SLC2A9: variants seen among roughly 807,000 people sequenced by gnomAD.
SLC2A9 encodes the protein solute carrier family 2, facilitated glucose transporter member 9.
SLC2A9 carries 39 observed loss-of-function variants against 50.6 expected under a neutral mutation model. That is an observed-to-expected ratio of 0.77 (90% confidence interval 0.60 to 1.01). The LOEUF is 1.01. SLC2A9 is among the 50% of genes least tolerant of loss of function. SLC2A9 has a pLI of 0.00. For missense variants in SLC2A9, 686 were observed against 677.6 expected (o/e 1.01, Z -0.14); for synonymous variants, 324 against 276.9 (o/e 1.17, Z -1.69).
chr4:9,983,060 G>A (rs1461820850), intron 4 of SLC2A9, among the ~76,000 whole-genome samples: 5 of 152,112 alleles, frequency 3.3e-5, no homozygotes, highest in Non-Finnish European at 7.4e-5. Flanking sequence ...TAGAGACAGG[G>A]TTTCTCCATG....
intron 3 of SLC2A9, among the ~76,000 whole-genome samples, chr4:9,792,159 G>GTTTTTT (rs1228816556): frequency 2.9e-4 from 27 of 94,634 alleles, no homozygotes; most frequent in African/African-American, 8.8e-4. Flanking sequence ...TCTATTCTAT[G>GTTTTTT]TTTCTTTTTT....
In SLC2A9 at chr4:9,978,097, G is replaced by A. The variant is rs74668588; in HGVS notation, c.681+2495C>T. 9.4e-3 allele frequency among the ~76,000 whole-genome samples: 1,436 copies of A among 152,322 alleles called. 27 individuals are homozygous for A. Among genetic ancestry groups the A allele is most frequent in the African/African-American group, 0.033 (1,385 of 41,562 alleles). ...ATTTGCCAGCGATGTTTTCCCAGAG[G>A]AAGTCAAGCTTGAGTGGGGCTTGGG... On this transcript the variant is annotated intron_variant, in intron 5 of 11. Transcript: ENST00000264784.
intron 8 of SLC2A9, among the ~76,000 whole-genome samples, chr4:9,895,792 A>G (rs1243551533): frequency 2.6e-5 from 4 of 152,202 alleles, no homozygotes; most frequent in Admixed American, 1.3e-4. Flanking sequence ...TACAATTAGG[A>G]TATTGAACAT....
chr4:9,887,672 G>A (rs1229186001), intron 9 of SLC2A9, 30 bp from the exon 10 acceptor site: 42 of 1,465,168 alleles, frequency 2.9e-5, no homozygotes, highest in South Asian at 1.4e-4. Flanking sequence ...GGTCAGGTGA[G>A]GAGGTGATGG....
chr4:9,778,715 C>A (rs751381310), downstream of SLC2A9, among the ~76,000 whole-genome samples: 2 of 152,196 alleles, frequency 1.3e-5, no homozygotes, highest in Non-Finnish European at 2.9e-5. Flanking sequence ...TTTGGAGCAC[C>A]GCCCAGGTCA....
chr4:10,017,199 C>T (rs1018302368), intron 2 of SLC2A9, among the ~76,000 whole-genome samples: 8 of 152,164 alleles, frequency 5.3e-5, no homozygotes, highest in Admixed American at 4.6e-4. Context: ...GGGATTCCTC[C>T]GTCCTCATGT....
intron 5 of SLC2A9, 89 bp from the exon 6 acceptor site, chr4:9,942,134 C>A: frequency 2.0e-6 from 3 of 1,519,102 alleles, no homozygotes; most frequent in Non-Finnish European, 2.7e-6. Context: ...TTCGACCCTG[C>A]AGAAGGTCTT....
chr4:10,018,662 G>C (rs1337701348), intron 2 of SLC2A9, among the ~76,000 whole-genome samples: 1 of 152,136 alleles, frequency 6.6e-6, no homozygotes, highest in East Asian at 1.9e-4. Context: ...TTCTTTCCCC[G>C]GCATTAGGGG....
intron 5 of SLC2A9, 108 bp downstream of exon 5, chr4:9,980,484 A>G: frequency 6.8e-7 from 1 of 1,475,738 alleles, no homozygotes; most frequent in African/African-American, 1.4e-5. Context: ...AGAGGCTTGA[A>G]TACCAGAAAT....
chr4:9,802,451 GATATGAT>G, intron 3 of SLC2A9, among the ~76,000 whole-genome samples: 1 of 151,946 alleles, frequency 6.6e-6, no homozygotes, highest in Non-Finnish European at 1.5e-5. Context: ...CTCTGTGGCC[GATATGAT>G]ATGGAGGAAG....
intron 5 of SLC2A9, among the ~76,000 whole-genome samples, chr4:9,954,151 C>T (rs1192912649): frequency 3.3e-5 from 5 of 152,068 alleles, no homozygotes; most frequent in Admixed American, 1.3e-4. Flanking sequence ...TTGCCCAGGC[C>T]GGTCTCAAAC....
chr4:9,815,483 T>A (rs1723451202), intron 3 of SLC2A9, among the ~76,000 whole-genome samples: 1 of 152,242 alleles, frequency 6.6e-6, no homozygotes, highest in African/African-American at 2.4e-5. Context: ...AGATCACAGC[T>A]GTTACAGAAG....
intron 1 of SLC2A9, among the ~76,000 whole-genome samples, chr4:9,774,239 C>T (rs1161914534): frequency 6.6e-6 from 1 of 152,034 alleles, no homozygotes; most frequent in Non-Finnish European, 1.5e-5. Flanking sequence ...GGTGATCTAC[C>T]CACCTCGGCC....
intron 3 of SLC2A9, chr4:9,781,650 C>T (rs1362614958): frequency 1.1e-5 from 2 of 182,064 alleles, no homozygotes; most frequent in Non-Finnish European, 2.3e-5. Flanking sequence ...AGCCTGGCGC[C>T]CGCGACTGCC....
rs867661088 is a variant in SLC2A9 at position 9,845,622 on chromosome 4, G to T, written c.1292-10614C>A. Among the ~76,000 whole-genome samples, 80 of 150,110 alleles carry T rather than the reference G, an allele frequency of 5.3e-4. 2 individuals are homozygous for T. The Middle Eastern group carries it at 0.041, about 77-fold the overall frequency. On this transcript the variant is annotated intron_variant, in intron 10 of 11. Transcript: ENST00000264784. ...TTTTTTTGTATTTTTAGTAGAGACG[G>T]GGTTTCACCGTGTTAGCCAGGATGG...
At chr4:9,991,896 T>C (rs574616071) in intron 3 of SLC2A9, among the ~76,000 whole-genome samples, 2 of 152,312 alleles carry the variant, frequency 1.3e-5, no homozygotes, top group South Asian at 2.1e-4. Context: ...ACTCCATCTG[T>C]GGTATTCTGA....
At chr4:9,810,948 T>C (rs1277879619) in intron 3 of SLC2A9, among the ~76,000 whole-genome samples, 3 of 152,200 alleles carry the variant, frequency 2.0e-5, no homozygotes, top group African/African-American at 7.2e-5. Flanking sequence ...CTAGCGATAG[T>C]TGTGTCTTCC....
At chr4:9,845,802 T>C (rs915318220) in intron 10 of SLC2A9, among the ~76,000 whole-genome samples, 2 of 152,350 alleles carry the variant, frequency 1.3e-5, no homozygotes, top group East Asian at 1.9e-4. Context: ...TGTATCCATA[T>C]GTCACTTAAT....
Position 10,019,073 on chromosome 4 carries a change from C to A in SLC2A9, c.151G>T (p.Asp51Tyr). The change falls in exon 2 of 12, where the codon GAC becomes TAC. Residue 51 changes from aspartate to tyrosine, a missense_variant and splice_region_variant. Physicochemically the swap from Asp to Tyr is radical, Grantham distance 160. Transcript: ENST00000264784. ...SGVPGGRRRK[D>Y]WSCSLLVASL... ...GCCACGAGGAGCGAGCAGGACCAGT[C>A]CTGAGGGGAGAGGAAACCACGTCAG... The A allele has an allele frequency of 6.4e-7, 1 of 1,551,190 alleles. No homozygotes were observed. Among genetic ancestry groups the A allele is most frequent in the Non-Finnish European group, 8.7e-7 (1 of 1,146,910 alleles).
Sources: gnomAD v4.1 joint callset for allele counts (sites outside exome capture counted in the v4.1 genomes callset) on GRCh38, gnomAD v4.1.1 for gene constraint, MANE v1.5 for transcripts, NCBI Gene and HGNC (gene_info 2026-07-23, HGNC 2026-07-21) for gene names.